The following CAMK2B variants were observed in gnomAD, a reference collection of about 807,000 sequenced individuals.
CAMK2B encodes calcium/calmodulin-dependent protein kinase type II subunit beta.
A neutral mutation model predicts 93.7 loss-of-function variants in CAMK2B; 27 were observed. That is an observed-to-expected ratio of 0.29 (90% confidence interval 0.21 to 0.40). The LOEUF is 0.40. Ranked by LOEUF, CAMK2B falls within the 10% of genes least tolerant of loss-of-function variation. The probability of loss-of-function intolerance (pLI) is 1.00; values close to 1 mark genes in which losing one functional copy is unlikely to be tolerated. For missense variants in CAMK2B, 568 were observed against 895.8 expected (o/e 0.63, Z 4.67); for synonymous variants, 374 against 358.8 (o/e 1.04, Z -0.48).
intron 16 of CAMK2B, among the ~76,000 whole-genome samples, chr7:44,231,955 A>G (rs1269879186): frequency 6.6e-6 from 1 of 152,216 alleles, no homozygotes; most frequent in Non-Finnish European, 1.5e-5. Flanking sequence ...GTGCAGGCTC[A>G]GAGTTCACCA....
At chr7:44,280,699 G>GA (rs2097095352) in intron 2 of CAMK2B, among the ~76,000 whole-genome samples, 1 of 152,194 alleles carries the variant, frequency 6.6e-6, no homozygotes, top group Non-Finnish European at 1.5e-5. Context: ...ACGTCATCAG[G>GA]AATTAGCTAC....
chr7:44,234,726 G>A (rs1053233189), intron 13 of CAMK2B, 50 bp from the exon 14 acceptor site: 8 of 1,590,102 alleles, frequency 5.0e-6, no homozygotes, highest in African/African-American at 1.3e-5. Flanking sequence ...CCTGGGTCTC[G>A]CTGCAGCGCA....
At chr7:44,243,229 C>T (rs2128970628) in intron 8 of CAMK2B, 21 bp downstream of exon 8, 1 of 1,598,178 alleles carries the variant, frequency 6.3e-7, no homozygotes, top group Non-Finnish European at 8.6e-7. Context: ...CTGCCCCGCA[C>T]CAACTCAGGC....
At position 44,325,513 on chromosome 7, in the gene CAMK2B, C is replaced by T. The variant is rs1797326913; in HGVS notation, c.-92G>A. On this transcript the variant is annotated 5_prime_UTR_variant, in exon 1 of 24. Transcript: ENST00000395749. ...CGCGGGCACGGCGGCGACACGGGCG[C>T]GGGCGCGGGAGACACCTCGGCTCGC... 6 of 803,168 alleles carry T rather than the reference C, an allele frequency of 7.5e-6. No homozygotes were observed. Among genetic ancestry groups the T allele is most frequent in the African/African-American group, 1.9e-5 (1 of 53,044 alleles). 49.8% of individuals were successfully genotyped at this position (803,168 alleles called of 1,614,324 possible). A position where few individuals can be genotyped will look rare whatever the true frequency, so the allele number is the denominator to read the frequency against.
At chr7:44,245,027 A>G (rs1326508775) in intron 6 of CAMK2B, 1 of 454,524 alleles carries the variant, frequency 2.2e-6, no homozygotes, top group African/African-American at 2.0e-5. Context: ...TACATGGAGA[A>G]GTTGGACAGA....
chr7:44,304,175 G>T (rs921619062), intron 1 of CAMK2B, among the ~76,000 whole-genome samples: 5 of 152,180 alleles, frequency 3.3e-5, no homozygotes, highest in Non-Finnish European at 5.9e-5. Flanking sequence ...TGCTTTGGAA[G>T]AGAGTATGGT....
At chr7:44,298,064 C>T (rs183818765) in intron 1 of CAMK2B, among the ~76,000 whole-genome samples, 10 of 152,288 alleles carry the variant, frequency 6.6e-5, no homozygotes, top group Admixed American at 6.5e-4. Context: ...GTGGAGGTTG[C>T]AGTGAGCTGA....
chr7:44,283,945 T>G (rs1414468661), intron 2 of CAMK2B, among the ~76,000 whole-genome samples, 186 bp downstream of exon 2: 2 of 152,214 alleles, frequency 1.3e-5, no homozygotes, highest in East Asian at 3.9e-4. Flanking sequence ...CCAACACTCC[T>G]GTGCCTCCCT....
In CAMK2B at chr7:44,220,974, G is replaced by T. The variant is rs1381711161; in HGVS notation, c.1598-73C>A. 2.3e-6 allele frequency: 3 copies of T among 1,311,292 alleles called. No individual in the cohort carries two copies. The African/African-American group carries it at 4.4e-5, about 19-fold the overall frequency. 81.2% of individuals were successfully genotyped at this position (1,311,292 alleles called of 1,614,324 possible). A position where few individuals can be genotyped will look rare whatever the true frequency, so the allele number is the denominator to read the frequency against. On this transcript the variant is annotated intron_variant, in intron 20 of 23. Transcript: ENST00000395749. Reference sequence around the variant, plus strand: ...CCCGGACCCCTCCACACAGCCCAGGGGAGGGCCTGGGGGAGCGCGAGCTGC... The same window carrying T: ...CCCGGACCCCTCCACACAGCCCAGGTGAGGGCCTGGGGGAGCGCGAGCTGC...
chr7:44,228,569 T>C (rs1011183193), intron 19 of CAMK2B, among the ~76,000 whole-genome samples: 1 of 151,628 alleles, frequency 6.6e-6, no homozygotes, highest in Non-Finnish European at 1.5e-5. Flanking sequence ...GGAGTGGCAG[T>C]GGGAGCAGGA....
At chr7:44,221,182 G>A (rs34775092) in intron 20 of CAMK2B, among the ~76,000 whole-genome samples, 8,245 of 152,312 alleles carry the variant, frequency 0.054, 289 homozygotes, top group East Asian at 0.086. Context: ...TGCAGAAAGA[G>A]GACAAAAAAC....
chr7:44,251,877 C>T (rs2096784009), intron 5 of CAMK2B, among the ~76,000 whole-genome samples: 1 of 152,144 alleles, frequency 6.6e-6, no homozygotes, highest in Non-Finnish European at 1.5e-5. Flanking sequence ...TCCTGAGGAC[C>T]CTAGAAATCC....
chr7:44,306,235 C>T (rs753007760), intron 1 of CAMK2B, among the ~76,000 whole-genome samples: 25 of 152,190 alleles, frequency 1.6e-4, no homozygotes, highest in Non-Finnish European at 3.7e-4. Context: ...CTGGGATCCC[C>T]GTAAATCCAG....
At chr7:44,279,231 G>T (rs1169902395) in intron 2 of CAMK2B, among the ~76,000 whole-genome samples, 1 of 152,242 alleles carries the variant, frequency 6.6e-6, no homozygotes, top group Non-Finnish European at 1.5e-5. Flanking sequence ...GGCCCAGATG[G>T]AACAAGACTG....
intron 20 of CAMK2B, among the ~76,000 whole-genome samples, chr7:44,226,305 T>A (rs1256913985): frequency 6.6e-6 from 1 of 152,216 alleles, no homozygotes; most frequent in Non-Finnish European, 1.5e-5. Flanking sequence ...TATACACATA[T>A]GTCATACACA....
intron 1 of CAMK2B, 24 bp downstream of exon 1, chr7:44,325,333 G>A (rs761474967): frequency 2.5e-6 from 3 of 1,220,242 alleles, no homozygotes; most frequent in Non-Finnish European, 3.2e-6. Context: ...CCCCGGCCCA[G>A]CCCGCGCGCG....
At chr7:44,324,145 G>A (rs1796862260) in intron 1 of CAMK2B, among the ~76,000 whole-genome samples, 1 of 152,164 alleles carries the variant, frequency 6.6e-6, no homozygotes. Context: ...CTCCAGCTCC[G>A]CACTCCACAA....
chr7:44,323,231 C>T (rs1052066255), intron 1 of CAMK2B, among the ~76,000 whole-genome samples: 1 of 152,262 alleles, frequency 6.6e-6, no homozygotes, highest in African/African-American at 2.4e-5. Flanking sequence ...GGCTGAGCTG[C>T]CTGCTCCTGG....
At chr7:44,229,594 GA>G in intron 17 of CAMK2B, 93 bp from the exon 18 acceptor site, 3 of 487,284 alleles carry the variant, frequency 6.2e-6, no homozygotes, top group Admixed American at 4.1e-5. Flanking sequence ...AGGAGGGAGG[GA>G]GGGGGTGACA....
Sources: allele counts gnomAD v4.1 joint callset (sites outside exome capture counted in the v4.1 genomes callset), GRCh38; gene constraint gnomAD v4.1.1; transcripts MANE v1.5; gene names NCBI Gene and HGNC (gene_info 2026-07-23, HGNC 2026-07-21).